ROBO2: variants seen among roughly 807,000 people sequenced by gnomAD.
ROBO2 encodes the protein roundabout guidance receptor 2, also known as roundabout homolog 2.
In ROBO2, 53 loss-of-function variants were observed where a neutral mutation model predicts 160.8. That is an observed-to-expected ratio of 0.33 (90% confidence interval 0.26 to 0.41). ROBO2 has a LOEUF of 0.41. Ranked by LOEUF, ROBO2 falls within the 10% of genes least tolerant of loss-of-function variation. ROBO2 has a pLI of 1.00. For missense variants in ROBO2, 1,577 were observed against 1,722.4 expected (o/e 0.92, Z 1.49); for synonymous variants, 664 against 611.7 (o/e 1.09, Z -1.26).
intron 2 of ROBO2, among the ~76,000 whole-genome samples, chr3:77,419,536 C>G (rs961291461): frequency 2.7e-4 from 41 of 152,228 alleles, no homozygotes; most frequent in African/African-American, 9.6e-4. Flanking sequence ...AGTGCAATGA[C>G]AGAGGAAATG....
intron 2 of ROBO2, among the ~76,000 whole-genome samples, chr3:77,154,330 T>G: frequency 6.6e-6 from 1 of 152,236 alleles, no homozygotes; most frequent in African/African-American, 2.4e-5. Flanking sequence ...GCTAAATATG[T>G]CCTCAAAGTG....
At chr3:76,479,653 G>A (rs531614237) in intron 2 of ROBO2, among the ~76,000 whole-genome samples, 1 of 152,230 alleles carries the variant, frequency 6.6e-6, no homozygotes, top group South Asian at 2.1e-4. Flanking sequence ...TATTACAACT[G>A]AGGAAAAATT....
At chr3:76,367,449 T>C (rs966492318) in intron 2 of ROBO2, among the ~76,000 whole-genome samples, 1 of 151,966 alleles carries the variant, frequency 6.6e-6, no homozygotes, top group Non-Finnish European at 1.5e-5. Flanking sequence ...TCCTAGCACA[T>C]TGCGGGATAC....
At chr3:76,206,948 G>C (rs543746997) in intron 2 of ROBO2, among the ~76,000 whole-genome samples, 1 of 152,208 alleles carries the variant, frequency 6.6e-6, no homozygotes, top group Non-Finnish European at 1.5e-5. Context: ...AATCCCATTA[G>C]AAAAGATTAT....
chr3:76,874,211 A>T (rs1577179071), intron 2 of ROBO2, among the ~76,000 whole-genome samples: 1 of 80,316 alleles, frequency 1.2e-5, no homozygotes, highest in Non-Finnish European at 2.6e-5. Flanking sequence ...TCAGACCAAT[A>T]AAAAAAAAAA....
At chr3:76,550,901 C>A (rs2083375210) in intron 2 of ROBO2, among the ~76,000 whole-genome samples, 1 of 152,186 alleles carries the variant, frequency 6.6e-6, no homozygotes, top group Non-Finnish European at 1.5e-5. Context: ...TAGTGCAGGC[C>A]TGCAGGCAAC....
chr3:77,091,435 T>C (rs2070238258), intron 1 of ROBO2, among the ~76,000 whole-genome samples: 1 of 152,106 alleles, frequency 6.6e-6, no homozygotes, highest in African/African-American at 2.4e-5. Context: ...TATCAAATAT[T>C]TTATCAAAAA....
intron 2 of ROBO2, among the ~76,000 whole-genome samples, chr3:77,145,717 A>G (rs1051077161): frequency 6.6e-6 from 1 of 152,166 alleles, no homozygotes; most frequent in African/African-American, 2.4e-5. Context: ...TGTGGCATAA[A>G]CACATCAGTT....
At chr3:76,988,791 C>CGAGACAT (rs1381610510) in intron 2 of ROBO2, among the ~76,000 whole-genome samples, 1 of 152,130 alleles carries the variant, frequency 6.6e-6, no homozygotes, top group East Asian at 1.9e-4. Flanking sequence ...GTTTGTGCTT[C>CGAGACAT]GAGACATTAA....
chr3:76,560,655 C>T (rs1372005462), intron 2 of ROBO2, among the ~76,000 whole-genome samples: 1 of 149,910 alleles, frequency 6.7e-6, no homozygotes, highest in Non-Finnish European at 1.5e-5. Flanking sequence ...ACTCACATTA[C>T]TGACTCCCGG....
intron 2 of ROBO2, among the ~76,000 whole-genome samples, chr3:76,373,739 C>T (rs553216642): frequency 2.5e-4 from 38 of 152,034 alleles, no homozygotes; most frequent in Non-Finnish European, 1.9e-4. Flanking sequence ...ACAAACCACC[C>T]ACAAAGTTGG....
intron 2 of ROBO2, among the ~76,000 whole-genome samples, chr3:77,144,745 A>C (rs1449102520): frequency 6.6e-6 from 1 of 152,178 alleles, no homozygotes; most frequent in Non-Finnish European, 1.5e-5. Context: ...TGACTGGGAG[A>C]AGGAGGTGTA....
chr3:76,435,274 TG>T, intron 2 of ROBO2: 1 of 1,339,362 alleles, frequency 7.5e-7, no homozygotes, highest in Non-Finnish European at 1.1e-6. Context: ...AAGAATTCCC[TG>T]GATTGTGAGA....
At chr3:76,738,262 A>T (rs1175554520) in intron 2 of ROBO2, among the ~76,000 whole-genome samples, 1 of 152,194 alleles carries the variant, frequency 6.6e-6, no homozygotes, top group African/African-American at 2.4e-5. Flanking sequence ...AAGGCCTGAT[A>T]CTCATTAGGC....
chr3:76,003,091 G>T (rs2065933338), intron 2 of ROBO2, among the ~76,000 whole-genome samples: 1 of 152,116 alleles, frequency 6.6e-6, no homozygotes, highest in South Asian at 2.1e-4. Context: ...CCACTGCTGG[G>T]CCCACTATGT....
intron 2 of ROBO2, among the ~76,000 whole-genome samples, chr3:77,371,337 A>G (rs1581421200): frequency 6.6e-6 from 1 of 152,286 alleles, no homozygotes; most frequent in South Asian, 2.1e-4. Flanking sequence ...TAAAATCTCT[A>G]CATTCAAAGT....
At chr3:77,317,193 G>T in intron 2 of ROBO2, 1 of 860,024 alleles carries the variant, frequency 1.2e-6, no homozygotes. Flanking sequence ...GAGCACCCCG[G>T]ATGGAAGGCC....
At chr3:76,130,505 T>C (rs1321989320) in intron 2 of ROBO2, among the ~76,000 whole-genome samples, 2 of 152,086 alleles carry the variant, frequency 1.3e-5, no homozygotes, top group African/African-American at 4.8e-5. Flanking sequence ...ACTTAGTGTA[T>C]ACATGTACGC....
intron 4 of ROBO2, 52 bp from the exon 5 acceptor site, chr3:77,493,192 G>A (rs990560906): frequency 5.0e-6 from 8 of 1,585,040 alleles, no homozygotes; most frequent in African/African-American, 2.7e-5. Context: ...TGTACTTAAA[G>A]CATGCATAAT....
Sources: allele counts gnomAD v4.1 joint callset (sites outside exome capture counted in the v4.1 genomes callset), GRCh38; gene constraint gnomAD v4.1.1; transcripts MANE v1.5; gene names NCBI Gene and HGNC (gene_info 2026-07-23, HGNC 2026-07-21).